Variants in ARAP2 observed in about 807,000 individuals in gnomAD.
ARAP2 encodes arf-GAP with Rho-GAP domain, ANK repeat and PH domain-containing protein 2.
ARAP2 carries 148 observed loss-of-function variants against 194.5 expected under a neutral mutation model. The ratio of observed to expected loss-of-function variants is 0.76; its 90% CI spans 0.67 to 0.87. ARAP2 has a LOEUF of 0.87. Ranked by LOEUF, ARAP2 falls within the 40% of genes least tolerant of loss-of-function variation. The probability of loss-of-function intolerance (pLI) is 0.00; values close to 1 mark genes in which losing one functional copy is unlikely to be tolerated. For synonymous variants in ARAP2, 695 were observed against 683.5 expected (o/e 1.02, Z -0.26); for missense variants, 2,128 against 1,989.7 (o/e 1.07, Z -1.32).
chr4:36,126,339 A>G (rs1406376863), intron 21 of ARAP2, among the ~76,000 whole-genome samples: 1 of 152,020 alleles, frequency 6.6e-6, no homozygotes, highest in East Asian at 1.9e-4. Flanking sequence ...ATTTCCACAA[A>G]TCTTATAAAA....
intron 28 of ARAP2, among the ~76,000 whole-genome samples, chr4:36,086,807 C>T (rs1577816142): frequency 6.6e-6 from 1 of 152,180 alleles, no homozygotes; most frequent in Middle Eastern, 3.4e-3. Flanking sequence ...TACCCATTTG[C>T]TTTCTTCACA....
chr4:36,103,421 T>C (rs922989478), intron 27 of ARAP2, among the ~76,000 whole-genome samples: 4 of 151,434 alleles, frequency 2.6e-5, no homozygotes, highest in African/African-American at 9.7e-5. Flanking sequence ...ACATTTATGG[T>C]TTGCTTGTGA....
downstream of ARAP2, among the ~76,000 whole-genome samples, chr4:36,063,179 T>C (rs773870234): frequency 6.6e-6 from 1 of 152,192 alleles, no homozygotes; most frequent in Non-Finnish European, 1.5e-5. Flanking sequence ...AAAGGAAAAG[T>C]ATGTAAACAG....
At chr4:36,119,155 T>C (rs1722089627) in intron 24 of ARAP2, among the ~76,000 whole-genome samples, 1 of 151,480 alleles carries the variant, frequency 6.6e-6, no homozygotes, top group Non-Finnish European at 1.5e-5. Flanking sequence ...GGACAGGATA[T>C]AGAAAAGTCA....
chr4:36,013,365 A>G (rs1714907036), intron 8 of ARAP2, among the ~76,000 whole-genome samples: 1 of 152,216 alleles, frequency 6.6e-6, no homozygotes, highest in South Asian at 2.1e-4. Flanking sequence ...GCTAGTATAA[A>G]TGTCTCTCCC....
At chr4:36,172,509 T>C (rs535102119) in intron 9 of ARAP2, among the ~76,000 whole-genome samples, 3 of 152,334 alleles carry the variant, frequency 2.0e-5, no homozygotes, top group Middle Eastern at 3.4e-3. Flanking sequence ...ATTCATACCA[T>C]TGATTCCATA....
intron 14 of ARAP2, 49 bp from the exon 15 acceptor site, chr4:36,158,913 T>C (rs914724553): frequency 1.3e-6 from 2 of 1,528,772 alleles, no homozygotes; most frequent in Admixed American, 4.4e-5. Context: ...ATGTAAACAA[T>C]TTTCCTTTTG....
intron 9 of ARAP2, among the ~76,000 whole-genome samples, chr4:36,177,321 T>C (rs1015771096): frequency 6.6e-6 from 1 of 152,174 alleles, no homozygotes; most frequent in Non-Finnish European, 1.5e-5. Flanking sequence ...TTTGTACTTA[T>C]ATAGACGTGT....
intron 8 of ARAP2, among the ~76,000 whole-genome samples, chr4:36,014,293 G>GA (rs879921675): frequency 7.4e-6 from 1 of 135,296 alleles, no homozygotes; most frequent in Non-Finnish European, 1.6e-5. Context: ...AAGAAAGAAA[G>GA]AAAGAAGAGA....
intron 27 of ARAP2, among the ~76,000 whole-genome samples, chr4:36,096,281 T>C (rs900939144): frequency 6.1e-5 from 9 of 148,010 alleles, no homozygotes; most frequent in Non-Finnish European, 8.9e-5. Context: ...ATGAGAATCA[T>C]CTGAACCTGA....
chr4:36,147,232 A>G, intron 19 of ARAP2, 64 bp downstream of exon 19: 1 of 1,478,414 alleles, frequency 6.8e-7, no homozygotes, highest in East Asian at 2.3e-5. Context: ...AGATAATAAC[A>G]AAAAACAAAA....
chr4:36,208,569 G>C (rs1453773403), intron 6 of ARAP2, among the ~76,000 whole-genome samples: 1 of 152,126 alleles, frequency 6.6e-6, no homozygotes, highest in Non-Finnish European at 1.5e-5. Context: ...AGCAACCACT[G>C]CATAAGGAAG....
At chr4:36,014,887 A>G (rs897644065) in intron 8 of ARAP2, among the ~76,000 whole-genome samples, 1 of 151,822 alleles carries the variant, frequency 6.6e-6, no homozygotes, top group African/African-American at 2.4e-5. Flanking sequence ...GATTTCTTTG[A>G]AATAAAAAGG....
At chr4:36,202,108 T>C (rs1418038607) in intron 6 of ARAP2, among the ~76,000 whole-genome samples, 4 of 152,222 alleles carry the variant, frequency 2.6e-5, no homozygotes, top group Admixed American at 2.6e-4. Context: ...GCATATTTTA[T>C]GTTATTCCCT....
rs1438657250 is a variant in ARAP2, at chr4:36,144,253, T to C, written c.3263+3043A>G. Among the ~76,000 whole-genome samples the C allele has an allele frequency of 3.3e-5, 5 of 151,940 alleles. No individual in the cohort carries two copies. In the Admixed American group the frequency reaches 3.3e-4, roughly 10 times the overall value. On this transcript the variant is annotated intron_variant, in intron 19 of 32. Transcript: ENST00000303965. The stretch of plus-strand genomic sequence containing the variant: ...GTTAAGCTGATACTTGTCTATTTGT[T>C]TAAGAACATAAGCTCTGAGGGGTCA...
chr4:36,043,802 A>AGGGAT (rs1721277070), intron 5 of ARAP2, among the ~76,000 whole-genome samples: 1 of 52,914 alleles, frequency 1.9e-5, no homozygotes, highest in Non-Finnish European at 4.2e-5. Flanking sequence ...AGAGAAGGGA[A>AGGGAT]GGGAAGGGAA....
In ARAP2 at chr4:36,119,841, C is replaced by G. The variant is rs917955243; in HGVS notation, c.3895-123G>C. 2.1e-5 allele frequency: 13 copies of G among 613,446 alleles called. No individual in the cohort carries two copies. In the African/African-American group the frequency reaches 2.4e-4, roughly 11 times the overall value. The allele number at this position is 613,446 out of a possible 1,614,324, so 38.0% of individuals were successfully genotyped here. On this transcript the variant is annotated intron_variant, in intron 23 of 32. Coordinates refer to ENST00000303965, the MANE Select transcript of ARAP2 (RefSeq NM_015230.4). ...CTTAAAAATAAATGAGAATGGCCAT[C>G]GGAATCAATATGAGCCCACACAGCT... is the stretch of plus-strand genomic sequence containing the variant.
chr4:36,065,068 G>T, downstream of ARAP2: 1 of 193,174 alleles, frequency 5.2e-6, no homozygotes. Flanking sequence ...AGGCAAGAGA[G>T]CCTTCAGAGT....
intron 2 of ARAP2, 91 bp from the exon 3 acceptor site, chr4:36,214,571 ATATT>A (rs1310105492): frequency 1.1e-5 from 9 of 788,910 alleles, no homozygotes; most frequent in African/African-American, 5.4e-5. Flanking sequence ...TTATGAGAAA[ATATT>A]TATGATTTAT....
Sources: allele counts gnomAD v4.1 joint callset (sites outside exome capture counted in the v4.1 genomes callset), GRCh38; gene constraint gnomAD v4.1.1; transcripts MANE v1.5; gene names NCBI Gene and HGNC (gene_info 2026-07-23, HGNC 2026-07-21).